Variants in UBE2A observed in about 807,000 individuals in gnomAD.
UBE2A encodes the protein ubiquitin-conjugating enzyme E2 A.
For missense variants in UBE2A, 27 were observed against 125.8 expected (o/e 0.21, Z 3.76); for synonymous variants, 39 against 41.1 (o/e 0.95, Z 0.20).
At chrX:119,581,743 T>C (rs1457270724) in intron 4 of UBE2A, 147 bp downstream of exon 4, 1 of 490,620 alleles carries the variant, frequency 2.0e-6, no homozygotes, top group Non-Finnish European at 3.6e-6. Flanking sequence ...TGGTTGTCTG[T>C]GGCTGTCTTG....
Position 119,577,221 on chromosome X carries a change from C to T in UBE2A, c.151+1821C>T, listed in dbSNP as rs760240661. Among the ~76,000 whole-genome samples, 207 of 112,373 alleles carry T rather than the reference C, an allele frequency of 1.8e-3. 3 individuals carry two copies. The highest frequency in any genetic ancestry group is 0.015 in the Admixed American group (165 of 10,647). The stretch of plus-strand genomic sequence containing the variant: ...TACAGGCTTGAGCCACCGCACCCGG[C>T]GAGCACTAGTTCTTTATACCTGAGC... On this transcript the variant is annotated intron_variant, in intron 3 of 5. Coordinates refer to ENST00000371558, the MANE Select transcript of UBE2A (RefSeq NM_003336.4).
At chrX:119,577,635 C>CTTTTTTTT (rs11380086) in intron 3 of UBE2A, among the ~76,000 whole-genome samples, 18 of 56,786 alleles carry the variant, frequency 3.2e-4, no homozygotes, top group Admixed American at 5.3e-4. Flanking sequence ...AAAATTTTAG[C>CTTTTTTTT]TTTTTTTTTT....
chrX:119,575,098 G>A, intron 2 of UBE2A, 117 bp downstream of exon 2: 1 of 973,053 alleles, frequency 1.0e-6, no homozygotes, highest in Non-Finnish European at 1.5e-6. Flanking sequence ...TTTGGGTCTG[G>A]CTGGGCCTAG....
At chrX:119,583,048 C>CTTCCT (rs1353048081) in intron 5 of UBE2A, 79 bp from the exon 6 acceptor site, 15 of 1,137,194 alleles carry the variant, frequency 1.3e-5, no homozygotes, top group Non-Finnish European at 1.7e-5. Context: ...GTACTTAGGA[C>CTTCCT]AATTCAATTG....
At chrX:119,582,462 C>T (rs1157593876) in intron 4 of UBE2A, 126 bp from the exon 5 acceptor site, 3 of 452,657 alleles carry the variant, frequency 6.6e-6, no homozygotes, top group African/African-American at 4.9e-5. Context: ...AGGCAGTTAA[C>T]TGGGAAGCAA....
chrX:119,582,943 C>T (rs1299630414), intron 5 of UBE2A, among the ~76,000 whole-genome samples, 184 bp from the exon 6 acceptor site: 1 of 106,942 alleles, frequency 9.4e-6, no homozygotes, highest in Non-Finnish European at 1.9e-5. Flanking sequence ...TGAGACTCTT[C>T]TCCCTTAAAA....
At chrX:119,577,450 A>G (rs748748883) in intron 3 of UBE2A, among the ~76,000 whole-genome samples, 2 of 110,217 alleles carry the variant, frequency 1.8e-5, no homozygotes, top group Non-Finnish European at 3.8e-5. Context: ...AGAGTCCATT[A>G]TCTACCAGGA....
At chrX:119,581,675 G>A (rs2053451685) in intron 4 of UBE2A, 79 bp downstream of exon 4, 1 of 820,099 alleles carries the variant, frequency 1.2e-6, no homozygotes, top group East Asian at 3.2e-5. Flanking sequence ...TGTGTATTTT[G>A]TGGTGCCTGA....
chrX:119,577,530 A>G, intron 3 of UBE2A, among the ~76,000 whole-genome samples: 1 of 110,295 alleles, frequency 9.1e-6, no homozygotes, highest in East Asian at 2.8e-4. Flanking sequence ...ACTGAAAGGA[A>G]TTACTCAGGC....
rs33997434 is a variant in UBE2A, at chrX:119,574,859, G to A, written c.45-42G>A. Reference sequence around the variant, plus strand: ...GGCTGGGGAGCGGCCGGGAGCGGGCGCCAGTGCCGGCCTAGGGGGACCCCT... The same window carrying A: ...GGCTGGGGAGCGGCCGGGAGCGGGCACCAGTGCCGGCCTAGGGGGACCCCT... On this transcript the variant is annotated intron_variant, in intron 1 of 5. Transcript: ENST00000371558. 6,440 of 1,205,113 alleles carry A rather than the reference G, an allele frequency of 5.3e-3. 20 individuals are homozygous for A. Among genetic ancestry groups the A allele is most frequent in the Non-Finnish European group, 6.3e-3 (5,605 of 890,634 alleles).
chrX:119,578,167 A>G (rs1361765531), intron 3 of UBE2A, among the ~76,000 whole-genome samples: 1 of 111,910 alleles, frequency 8.9e-6, no homozygotes, highest in East Asian at 2.8e-4. Flanking sequence ...GACAAGCAAC[A>G]CTTAAGGGTA....
At chrX:119,575,734 A>T in intron 3 of UBE2A, 1 of 236,139 alleles carries the variant, frequency 4.2e-6, no homozygotes, top group Non-Finnish European at 7.7e-6. Context: ...GTATAAACCC[A>T]ACCAGTTGCT....
At chrX:119,583,023 A>C in intron 5 of UBE2A, 104 bp from the exon 6 acceptor site, 4 of 1,045,359 alleles carry the variant, frequency 3.8e-6, no homozygotes, top group Non-Finnish European at 5.3e-6. Flanking sequence ...TATGCTAAAG[A>C]CAAGAAATGT....
chrX:119,574,775 G>A lies in UBE2A; in HGVS notation c.44+20G>A. ...CAAGAGGTAAACCGAGGGGACGGCCGAGGCCGGGGGTTGCGAGCTGGGGCA... is the reference window on the plus strand; with the variant it reads ...CAAGAGGTAAACCGAGGGGACGGCCAAGGCCGGGGGTTGCGAGCTGGGGCA... On this transcript the variant is annotated intron_variant, in intron 1 of 5. Coordinates refer to ENST00000371558, the MANE Select transcript of UBE2A (RefSeq NM_003336.4). 1 of 1,184,163 alleles carries A rather than the reference G, an allele frequency of 8.4e-7. No individual in the cohort carries two copies. Among genetic ancestry groups the A allele is most frequent in the African/African-American group, 1.7e-5 (1 of 57,604 alleles).
At chrX:119,579,321 G>A (rs943303193) in intron 3 of UBE2A, among the ~76,000 whole-genome samples, 2 of 112,049 alleles carry the variant, frequency 1.8e-5, no homozygotes, top group African/African-American at 6.5e-5. Context: ...TTTGAACTGT[G>A]AGTGTTTGAT....
intron 3 of UBE2A, among the ~76,000 whole-genome samples, chrX:119,579,093 A>G (rs779625522): frequency 8.9e-6 from 1 of 112,315 alleles, no homozygotes; most frequent in Non-Finnish European, 1.9e-5. Context: ...CCTCTTTTTA[A>G]TGTGTACCTT....
chrX:119,581,336 G>A (rs2053449275), intron 3 of UBE2A, 171 bp from the exon 4 acceptor site: 1 of 364,186 alleles, frequency 2.7e-6, no homozygotes. Flanking sequence ...AATCACATTT[G>A]AGTAGTTCTT....
At chrX:119,575,318 A>T in intron 2 of UBE2A, 57 bp from the exon 3 acceptor site, 1 of 1,204,219 alleles carries the variant, frequency 8.3e-7, no homozygotes, top group Non-Finnish European at 1.1e-6. Flanking sequence ...ATCTCAGATG[A>T]AGCAGGGAGA....
At chrX:119,581,455 AC>A in intron 3 of UBE2A, 51 bp from the exon 4 acceptor site, 1 of 951,531 alleles carries the variant, frequency 1.1e-6, no homozygotes, top group African/African-American at 1.9e-5. Context: ...ACAAAGTACT[AC>A]TGAACAAAGT....
Sources: allele counts gnomAD v4.1 joint callset (sites outside exome capture counted in the v4.1 genomes callset), GRCh38; gene constraint gnomAD v4.1.1; transcripts MANE v1.5; gene names NCBI Gene and HGNC (gene_info 2026-07-23, HGNC 2026-07-21).